The following SLCO1A2 variants were observed in gnomAD, a reference collection of about 807,000 sequenced individuals.
SLCO1A2 encodes OATP-1.
SLCO1A2 carries 67 observed loss-of-function variants against 69.0 expected under a neutral mutation model. That is an observed-to-expected ratio of 0.97 (90% CI 0.80 to 1.19). SLCO1A2 has a LOEUF of 1.19. Among genes scored for constraint, SLCO1A2 ranks in the 50% most tolerant of loss-of-function variants. The probability of loss-of-function intolerance (pLI) is 0.00; values close to 1 mark genes in which losing one functional copy is unlikely to be tolerated. For missense variants in SLCO1A2, 787 were observed against 793.7 expected (o/e 0.99, Z 0.10); for synonymous variants, 260 against 265.9 (o/e 0.98, Z 0.22).
intron 3 of SLCO1A2, among the ~76,000 whole-genome samples, chr12:21,315,175 T>A (rs193271474): frequency 6.6e-6 from 1 of 152,342 alleles, no homozygotes; most frequent in Admixed American, 6.5e-5. Context: ...AATATCTTCA[T>A]TTTGGTCAAC....
At chr12:21,401,365 C>G (rs1017067618) in intron 1 of SLCO1A2, among the ~76,000 whole-genome samples, 1 of 151,392 alleles carries the variant, frequency 6.6e-6, no homozygotes, top group African/African-American at 2.4e-5. Context: ...CAATAACAAT[C>G]GAACAATAAA....
At chr12:21,285,063 C>T in intron 12 of SLCO1A2, among the ~76,000 whole-genome samples, 1 of 130,428 alleles carries the variant, frequency 7.7e-6, no homozygotes, top group African/African-American at 3.1e-5. Flanking sequence ...TTAATGAATC[C>T]AGGAGCTGGT....
intron 1 of SLCO1A2, among the ~76,000 whole-genome samples, chr12:21,394,228 T>C (rs1262173996): frequency 1.3e-5 from 2 of 152,148 alleles, no homozygotes; most frequent in African/African-American, 4.8e-5. Context: ...CAGCTTGCCT[T>C]AGTGGCTCAG....
intron 1 of SLCO1A2, among the ~76,000 whole-genome samples, chr12:21,412,021 G>C (rs1160204681): frequency 1.3e-5 from 2 of 152,084 alleles, no homozygotes; most frequent in African/African-American, 4.8e-5. Context: ...TTAGGATTTA[G>C]TATTTTCTTA....
intron 2 of SLCO1A2, among the ~76,000 whole-genome samples, chr12:21,327,750 T>C (rs1473556895): frequency 6.6e-6 from 1 of 152,192 alleles, no homozygotes; most frequent in Admixed American, 6.5e-5. Context: ...ATCTAGGAAG[T>C]AACTAACTTG....
chr12:21,286,854 T>C (rs1484610669), intron 12 of SLCO1A2, among the ~76,000 whole-genome samples: 1 of 149,058 alleles, frequency 6.7e-6, no homozygotes, highest in East Asian at 2.0e-4. Flanking sequence ...TATACAAAAA[T>C]CAATTCAAGA....
intron 2 of SLCO1A2, among the ~76,000 whole-genome samples, chr12:21,372,456 T>G (rs935622885): frequency 2.6e-5 from 4 of 152,214 alleles, no homozygotes; most frequent in African/African-American, 9.6e-5. Context: ...TATGCCCTTT[T>G]TATACACCTT....
At chr12:21,373,239 A>G in intron 2 of SLCO1A2, 1 of 787,646 alleles carries the variant, frequency 1.3e-6, no homozygotes. Flanking sequence ...TTACGTTTTA[A>G]AAAGATGTTT....
At chr12:21,319,361 C>G in intron 2 of SLCO1A2, 1 of 1,367,986 alleles carries the variant, frequency 7.3e-7, no homozygotes, top group Non-Finnish European at 9.8e-7. Context: ...GACAATAGGT[C>G]CCCAGATTAC....
At chr12:21,379,651 T>C (rs1267946235) in intron 1 of SLCO1A2, 2 of 152,212 alleles carry the variant, frequency 1.3e-5, no homozygotes, top group African/African-American at 2.4e-5. Context: ...TCCCTGACTT[T>C]GAGTTAGGTA....
At chr12:21,412,712 A>G (rs1270223606) in intron 1 of SLCO1A2, among the ~76,000 whole-genome samples, 1 of 152,200 alleles carries the variant, frequency 6.6e-6, no homozygotes, top group Non-Finnish European at 1.5e-5. Context: ...TCAATCTTGT[A>G]GAGTGTTAAA....
At chr12:21,325,365 A>G (rs1952140882) in intron 2 of SLCO1A2, among the ~76,000 whole-genome samples, 1 of 152,230 alleles carries the variant, frequency 6.6e-6, no homozygotes, top group Non-Finnish European at 1.5e-5. Flanking sequence ...CTCAAATTTC[A>G]TAATCCTATC....
At chr12:21,385,764 G>A (rs1357843038) in intron 1 of SLCO1A2, among the ~76,000 whole-genome samples, 1 of 152,212 alleles carries the variant, frequency 6.6e-6, no homozygotes, top group African/African-American at 2.4e-5. Context: ...AGGATGGGTA[G>A]AGGAGGCTGG....
At chr12:21,372,981 T>C (rs1565520892) in intron 2 of SLCO1A2, 1 of 254,204 alleles carries the variant, frequency 3.9e-6, no homozygotes, top group Non-Finnish European at 7.6e-6. Flanking sequence ...TTTGCTGATA[T>C]TGCTGACATT....
Position 21,282,661 on chromosome 12 carries a change from T to C in SLCO1A2, c.1611-7237A>G, listed in dbSNP as rs150410719. On this transcript the variant is annotated intron_variant, in intron 12 of 14. Coordinates refer to ENST00000683939, the MANE Select transcript of SLCO1A2 (RefSeq NM_001386879.1). ...TAAGAAGTCAAATTATCATTGTTCA[T>C]AGATGATATGATCTTCTATTTTGAA... Among the ~76,000 whole-genome samples, 801 of 152,210 alleles carry C rather than the reference T, an allele frequency of 5.3e-3. 5 individuals carry two copies. Among genetic ancestry groups the C allele is most frequent in the African/African-American group, 0.017 (692 of 41,554 alleles).
intron 2 of SLCO1A2, among the ~76,000 whole-genome samples, chr12:21,346,177 T>C (rs1357885699): frequency 1.3e-5 from 2 of 152,180 alleles, no homozygotes; most frequent in African/African-American, 2.4e-5. Flanking sequence ...TCATTTAATA[T>C]AGTAAATAAC....
At chr12:21,278,123 TGTG>T (rs927066657) in intron 12 of SLCO1A2, among the ~76,000 whole-genome samples, 2 of 152,016 alleles carry the variant, frequency 1.3e-5, no homozygotes, top group Non-Finnish European at 2.9e-5. Context: ...CCTGTGGGCC[TGTG>T]GTGGTGGTGG....
At chr12:21,378,546 G>C in intron 1 of SLCO1A2, 1 of 792,848 alleles carries the variant, frequency 1.3e-6, no homozygotes, top group South Asian at 1.5e-5. Flanking sequence ...TTGTTGCTAG[G>C]ACATATACCT....
Position 21,269,714 on chromosome 12 carries a change from G to A in SLCO1A2, c.1847C>T (p.Ala616Val). The A allele has an allele frequency of 1.9e-6, 3 of 1,612,476 alleles. No homozygotes were observed. Among genetic ancestry groups the A allele is most frequent in the Non-Finnish European group, 1.7e-6 (2 of 1,178,942 alleles). ...CCTCAAAAGAATTAAGATGATTAAG[G>A]CTGGAACAAAGCTTGATCCTCTTAG... The part of the protein sequence containing the change: ...AALRGSSFVP[A>V]LIILILLRKC... Residue 616 changes from alanine (A) to valine (V), a missense_variant, in exon 15 of 15, where the codon GCC becomes GTC. By Grantham distance (64) the Ala-to-Val change is moderately conservative. Transcript: ENST00000683939.
Sources: allele counts gnomAD v4.1 joint callset (sites outside exome capture counted in the v4.1 genomes callset), GRCh38; gene constraint gnomAD v4.1.1; transcripts MANE v1.5; gene names NCBI Gene and HGNC (gene_info 2026-07-23, HGNC 2026-07-21).